Variants in NRP2 observed in about 807,000 individuals in gnomAD.
NRP2 encodes the protein neuropilin-2.
Under a neutral mutation model 110.4 loss-of-function variants are expected in NRP2, and 52 were observed. The observed-to-expected ratio is 0.47, with a 90% CI of 0.38 to 0.59. NRP2 has a LOEUF of 0.59. Among genes scored for constraint, NRP2 ranks in the 20% least tolerant of loss-of-function variants. The pLI, the probability that NRP2 is intolerant of heterozygous loss-of-function variation, is 0.00. For missense variants in NRP2, 1,049 were observed against 1,203.0 expected (o/e 0.87, Z 1.89); for synonymous variants, 508 against 468.9 (o/e 1.08, Z -1.08).
intron 15 of NRP2, among the ~76,000 whole-genome samples, chr2:205,782,348 T>C (rs1207761962): frequency 6.6e-6 from 1 of 152,106 alleles, no homozygotes; most frequent in Non-Finnish European, 1.5e-5. Context: ...AAACCTCTTT[T>C]CTCGGAGTTT....
chr2:205,751,307 G>A (rs966023227), intron 11 of NRP2, among the ~76,000 whole-genome samples: 3 of 151,994 alleles, frequency 2.0e-5, no homozygotes, highest in African/African-American at 7.3e-5. Context: ...TTTCATTTGA[G>A]GTTTCTTTGA....
chr2:205,747,848 A>G (rs1372614924), intron 10 of NRP2, among the ~76,000 whole-genome samples: 1 of 152,024 alleles, frequency 6.6e-6, no homozygotes, highest in Non-Finnish European at 1.5e-5. Context: ...CATGCCCCAA[A>G]TTACACTGGT....
chr2:205,783,795 G>C (rs574924980), intron 15 of NRP2, among the ~76,000 whole-genome samples: 3 of 152,234 alleles, frequency 2.0e-5, no homozygotes, highest in African/African-American at 7.2e-5. Context: ...CATTTCTGTG[G>C]TGTGCTGAGA....
intron 2 of NRP2, among the ~76,000 whole-genome samples, chr2:205,708,890 C>T (rs1358608382): frequency 6.6e-6 from 1 of 152,154 alleles, no homozygotes; most frequent in East Asian, 1.9e-4. Context: ...ATTAAAAAGG[C>T]GCTTGGTACT....
chr2:205,771,288 T>C (rs1274926524), intron 15 of NRP2, among the ~76,000 whole-genome samples: 1 of 152,222 alleles, frequency 6.6e-6, no homozygotes, highest in Non-Finnish European at 1.5e-5. Flanking sequence ...TGCTTGTGCG[T>C]CTTTTTTCCA....
At chr2:205,742,695 T>C (rs1379773082) in intron 8 of NRP2, among the ~76,000 whole-genome samples, 1 of 152,178 alleles carries the variant, frequency 6.6e-6, no homozygotes, top group Non-Finnish European at 1.5e-5. Flanking sequence ...TAGGAAATAA[T>C]TCAATGTTTA....
chr2:205,697,876 C>T lies in NRP2; in HGVS notation c.251+155C>T. On this transcript the variant is annotated intron_variant, in intron 2 of 16. Transcript: ENST00000357785. ...CCAGAGGAAAACCTCAAGGGGCATT[C>T]CCTTTCCAGGGAAATAAAGGTGTGG... 3.8e-6 allele frequency: 3 copies of T among 780,980 alleles called. No homozygotes were observed. In the South Asian group the frequency reaches 4.2e-5, roughly 11 times the overall value. The allele number at this position is 780,980 out of a possible 1,614,324, so 48.4% of individuals were successfully genotyped here.
chr2:205,773,805 A>G (rs2058058389), intron 15 of NRP2, among the ~76,000 whole-genome samples: 1 of 152,232 alleles, frequency 6.6e-6, no homozygotes, highest in Non-Finnish European at 1.5e-5. Flanking sequence ...AGGAAAGCAG[A>G]CTTTTGAACA....
intron 15 of NRP2, among the ~76,000 whole-genome samples, chr2:205,780,918 T>C (rs1042608497): frequency 1.3e-5 from 2 of 151,988 alleles, no homozygotes; most frequent in Admixed American, 6.6e-5. Flanking sequence ...GATCAGAGCA[T>C]TTTTTGTTTC....
In NRP2 at chr2:205,752,931, C is replaced by A; in HGVS notation, c.2000C>A (p.Thr667Asn). ...WMYDHAKWLR[T>N]TWASSSSPND... ...TATGACCATGCCAAGTGGCTCCGGA[C>A]CACCTGGGCCAGCAGCTCCAGCCCA... The change falls in exon 12 of 17, where the codon ACC becomes AAC. Residue 667 changes from threonine to asparagine, a missense_variant. Physicochemically the swap from Thr to Asn is moderately conservative, Grantham distance 65 (BLOSUM62 0). Transcript: ENST00000357785. 6.2e-7 allele frequency: 1 copy of A among 1,614,078 alleles called. No individual in the cohort carries two copies. Among genetic ancestry groups the A allele is most frequent in the Non-Finnish European group, 8.5e-7 (1 of 1,180,030 alleles).
intron 2 of NRP2, among the ~76,000 whole-genome samples, chr2:205,712,394 T>C (rs2056816352): frequency 6.6e-6 from 1 of 152,222 alleles, no homozygotes; most frequent in Non-Finnish European, 1.5e-5. Context: ...TGATACGTTC[T>C]AAGAGGAGCA....
In NRP2 at chr2:205,752,458, T is replaced by G. The variant is rs147340643; in HGVS notation, c.1904-377T>G. The G allele has an allele frequency of 4.6e-3, 1,472 of 319,318 alleles. 16 individuals carry two copies. Among genetic ancestry groups the G allele is most frequent in the South Asian group, 0.015 (545 of 35,356 alleles). The allele number at this position is 319,318 out of a possible 1,614,324, so 19.8% of individuals were successfully genotyped here. On this transcript the variant is annotated intron_variant, in intron 11 of 16. Coordinates refer to ENST00000357785, the MANE Select transcript of NRP2 (RefSeq NM_003872.3). The stretch of plus-strand genomic sequence containing the variant: ...GCAGGAGATGAGATAATACTTTTTT[T>G]GGGAGCCAGCCTTCCACCAGGGCAC...
At chr2:205,747,929 C>T (rs1291431040) in intron 10 of NRP2, among the ~76,000 whole-genome samples, 7 of 152,168 alleles carry the variant, frequency 4.6e-5, no homozygotes, top group South Asian at 2.1e-4. Context: ...AGTTGAGGAG[C>T]GTTCCCCTCT....
At position 205,723,952 on chromosome 2, in the gene NRP2, G is replaced by A. The variant is rs558790260; in HGVS notation, c.820+12G>A. On this transcript the variant is annotated intron_variant, in intron 5 of 16. Transcript: ENST00000357785. ...AGAGCCACTAGAGAGTGAGTTGGCC[G>A]ATTGGGAACCTCTGTCCTGTCCTTC... The A allele has an allele frequency of 1.2e-5, 19 of 1,613,874 alleles. No homozygotes were observed. The highest frequency in any genetic ancestry group is 1.0e-4 in the Admixed American group (6 of 60,012).
At chr2:205,696,996 CA>C (rs2056442848) in intron 1 of NRP2, among the ~76,000 whole-genome samples, 1 of 151,988 alleles carries the variant, frequency 6.6e-6, no homozygotes, top group South Asian at 2.1e-4. Flanking sequence ...TGTTCTGGCC[CA>C]AAGCTGAAAG....
chr2:205,767,578 TAA>T (rs754385078), intron 15 of NRP2: 2,703 of 241,766 alleles, frequency 0.011, no homozygotes, highest in South Asian at 0.023. Context: ...ATCCAGGTTA[TAA>T]AAAAAAAAAA....
intron 2 of NRP2, among the ~76,000 whole-genome samples, chr2:205,711,835 A>T (rs1487393339): frequency 6.6e-6 from 1 of 152,172 alleles, no homozygotes; most frequent in Non-Finnish European, 1.5e-5. Flanking sequence ...GCCCTGAGAG[A>T]AGGACCTAAG....
At chr2:205,733,909 G>A (rs2057290785) in intron 7 of NRP2, among the ~76,000 whole-genome samples, 1 of 152,064 alleles carries the variant, frequency 6.6e-6, no homozygotes, top group Non-Finnish European at 1.5e-5. Context: ...GTCTCGATGG[G>A]GGTAACATAA....
At chr2:205,695,687 T>G (rs181437452) in intron 1 of NRP2, among the ~76,000 whole-genome samples, 15 of 152,146 alleles carry the variant, frequency 9.9e-5, no homozygotes, top group Admixed American at 8.5e-4. Context: ...GGTAGAAAAT[T>G]CCCCCTTCTG....
Sources: allele counts gnomAD v4.1 joint callset (sites outside exome capture counted in the v4.1 genomes callset), GRCh38; gene constraint gnomAD v4.1.1; transcripts MANE v1.5; gene names NCBI Gene and HGNC (gene_info 2026-07-23, HGNC 2026-07-21).